CD247: variants seen among roughly 807,000 people sequenced by gnomAD.
CD247 encodes the protein T-cell surface glycoprotein CD3 zeta chain.
A neutral mutation model predicts 30.0 loss-of-function variants in CD247; 13 were observed. The ratio of observed to expected loss-of-function variants is 0.43; its 90% CI spans 0.28 to 0.69. The LOEUF is 0.69. CD247 is among the 30% of genes least tolerant of loss of function. CD247 has a pLI of 0.16. For synonymous variants in CD247, 72 were observed against 80.0 expected (o/e 0.90, Z 0.53); for missense variants, 193 against 212.6 (o/e 0.91, Z 0.57).
chr1:167,435,636 A>AT (rs1651511213), intron 4 of CD247, among the ~76,000 whole-genome samples: 2 of 152,136 alleles, frequency 1.3e-5, no homozygotes, highest in African/African-American at 4.8e-5. Flanking sequence ...GGTTACCTGC[A>AT]ACTGGATACA....
At chr1:167,490,141 G>A (rs936915559) in intron 1 of CD247, among the ~76,000 whole-genome samples, 1 of 152,006 alleles carries the variant, frequency 6.6e-6, no homozygotes, top group Non-Finnish European at 1.5e-5. Flanking sequence ...CCATATATCC[G>A]GGACCTACGG....
chr1:167,454,791 G>C (rs112008672), intron 1 of CD247, among the ~76,000 whole-genome samples: 11,009 of 152,272 alleles, frequency 0.072, 1,364 homozygotes, highest in African/African-American at 0.25. Context: ...CTGGGCCTTG[G>C]GAGCTCAGGC....
intron 1 of CD247, among the ~76,000 whole-genome samples, chr1:167,479,779 C>A (rs1355112466): frequency 6.6e-6 from 1 of 152,224 alleles, no homozygotes; most frequent in Non-Finnish European, 1.5e-5. Context: ...CTTCCTCCTG[C>A]CAGTCCACAT....
chr1:167,462,655 C>A (rs1347412938), intron 1 of CD247, among the ~76,000 whole-genome samples: 2 of 152,192 alleles, frequency 1.3e-5, no homozygotes, highest in African/African-American at 4.8e-5. Context: ...AGGGTTCCCG[C>A]CGCTGGGCCA....
intron 1 of CD247, among the ~76,000 whole-genome samples, chr1:167,484,308 G>A (rs566697397): frequency 6.6e-6 from 1 of 152,270 alleles, no homozygotes; most frequent in Admixed American, 6.5e-5. Context: ...CCTATAGGCT[G>A]ACTGTGTTGT....
intron 1 of CD247, among the ~76,000 whole-genome samples, chr1:167,464,684 G>A (rs1473645380): frequency 6.6e-6 from 1 of 152,168 alleles, no homozygotes; most frequent in African/African-American, 2.4e-5. Flanking sequence ...TAGAAGAAGA[G>A]GGGTACAAAA....
At position 167,494,042 on chromosome 1, in the gene CD247, G is replaced by A. The variant is rs531167854; in HGVS notation, c.58+24366C>T. Among the ~76,000 whole-genome samples, 2 of 147,192 alleles carry A rather than the reference G, an allele frequency of 1.4e-5. No individual in the cohort carries two copies. Among genetic ancestry groups the A allele is most frequent in the African/African-American group, 2.7e-5 (1 of 36,770 alleles). ...TTCTCAGGGCTCTGCTGAGTTGGGT[G>A]GGGGAGGCTGGAGGCTGCAAAATGA... On this transcript the variant is annotated intron_variant, in intron 1 of 7. Coordinates refer to ENST00000362089, the MANE Select transcript of CD247 (RefSeq NM_198053.3). The surrounding 1 kb of genome is among the most constrained non-coding windows in gnomAD (Gnocchi z 7.3).
chr1:167,462,371 C>T (rs1653060451), intron 1 of CD247, among the ~76,000 whole-genome samples: 1 of 152,218 alleles, frequency 6.6e-6, no homozygotes, highest in Admixed American at 6.5e-5. Context: ...GAAGCCAGAC[C>T]AGTGTGGTTT....
chr1:167,509,384 A>G (rs902120547), intron 1 of CD247, among the ~76,000 whole-genome samples: 7 of 151,814 alleles, frequency 4.6e-5, no homozygotes, highest in Non-Finnish European at 8.8e-5. Context: ...AAAAAAAAAA[A>G]AAAAAAGAAA....
At chr1:167,441,015 G>A (rs1008632039) in intron 1 of CD247, among the ~76,000 whole-genome samples, 1 of 152,234 alleles carries the variant, frequency 6.6e-6, no homozygotes, top group African/African-American at 2.4e-5. Context: ...AATGGGAGGG[G>A]AGGTGGAAAC....
intron 1 of CD247, among the ~76,000 whole-genome samples, chr1:167,509,092 C>T (rs972702607): frequency 4.6e-5 from 7 of 152,050 alleles, no homozygotes; most frequent in Non-Finnish European, 1.0e-4. Flanking sequence ...CATGGCTGGG[C>T]GCGGTGGCTC....
intron 1 of CD247, among the ~76,000 whole-genome samples, chr1:167,456,543 C>G (rs1047562371): frequency 2.0e-5 from 3 of 152,302 alleles, no homozygotes; most frequent in African/African-American, 7.2e-5. Context: ...GAGGCCAAGT[C>G]CTTAGCAGTG....
chr1:167,517,711 G>A (rs939612221), intron 1 of CD247, among the ~76,000 whole-genome samples: 1 of 152,208 alleles, frequency 6.6e-6, no homozygotes, highest in Admixed American at 6.5e-5. Context: ...AGGCTGGGGT[G>A]AGTCACGGAG....
chr1:167,445,693 T>TTGTC (rs1304467574), intron 1 of CD247, among the ~76,000 whole-genome samples: 1 of 152,140 alleles, frequency 6.6e-6, no homozygotes, highest in Non-Finnish European at 1.5e-5. Flanking sequence ...ATTGCGTTGT[T>TTGTC]TGTCTGTCTG....
chr1:167,463,620 T>C (rs1233154763), intron 1 of CD247, among the ~76,000 whole-genome samples: 1 of 152,226 alleles, frequency 6.6e-6, no homozygotes, highest in African/African-American at 2.4e-5. Context: ...GAACTTGAAC[T>C]GAACTGTGCT....
intron 1 of CD247, among the ~76,000 whole-genome samples, chr1:167,516,576 G>A (rs945218310): frequency 6.6e-6 from 1 of 152,202 alleles, no homozygotes; most frequent in African/African-American, 2.4e-5. Flanking sequence ...GGCAGCAAAA[G>A]CACCATCGCA....
chr1:167,511,746 G>A (rs565773851), intron 1 of CD247, among the ~76,000 whole-genome samples: 4 of 152,110 alleles, frequency 2.6e-5, no homozygotes, highest in South Asian at 4.2e-4. Flanking sequence ...CTGGGCGAGC[G>A]GCTGCACACT....
chr1:167,510,121 C>T (rs1472847217), intron 1 of CD247, among the ~76,000 whole-genome samples: 1 of 152,110 alleles, frequency 6.6e-6, no homozygotes, highest in African/African-American at 2.4e-5. Context: ...TAATGTTTGC[C>T]CTTCCTTCTA....
intron 1 of CD247, among the ~76,000 whole-genome samples, chr1:167,446,917 C>T (rs1652108996): frequency 6.6e-6 from 1 of 152,146 alleles, no homozygotes; most frequent in Admixed American, 6.5e-5. Flanking sequence ...ATGGTGTGAA[C>T]CCAGGAGGTG....
Sources: allele counts gnomAD v4.1 joint callset (sites outside exome capture counted in the v4.1 genomes callset), GRCh38; gene constraint gnomAD v4.1.1; non-coding constraint Gnocchi (gnomAD v3.1); transcripts MANE v1.5; gene names NCBI Gene and HGNC (gene_info 2026-07-23, HGNC 2026-07-21).